The following CEP85L variants were observed in gnomAD, a reference collection of about 807,000 sequenced individuals.
The protein encoded by CEP85L is centrosomal protein 85L.
CEP85L carries 60 observed loss-of-function variants against 100.3 expected under a neutral mutation model. That is an observed-to-expected ratio of 0.60 (90% CI 0.49 to 0.74). The LOEUF is 0.74. CEP85L is among the 30% of genes least tolerant of loss of function. The pLI, the probability that CEP85L is intolerant of heterozygous loss-of-function variation, is 0.00. For synonymous variants in CEP85L, 319 were observed against 322.7 expected, an observed-to-expected ratio of 0.99 and a Z score of 0.12; for missense variants, 973 against 936.2, an observed-to-expected ratio of 1.04 and a Z score of -0.51.
At chr6:118,703,259 G>A (rs575667331) in intron 1 of CEP85L, among the ~76,000 whole-genome samples, 22 of 151,632 alleles carry the variant, frequency 1.5e-4, no homozygotes, top group African/African-American at 5.3e-4. Flanking sequence ...CAAATAAATC[G>A]TTATTTTAAG....
At chr6:118,481,671 A>G in intron 8 of CEP85L, 108 bp downstream of exon 8, 2 of 635,576 alleles carry the variant, frequency 3.1e-6, no homozygotes, top group South Asian at 5.7e-5. Flanking sequence ...CCTGTAGTAC[A>G]TCTTTAAATT....
At chr6:118,604,921 AG>A (rs1398281038) in intron 2 of CEP85L, among the ~76,000 whole-genome samples, 1 of 125,008 alleles carries the variant, frequency 8.0e-6, no homozygotes, top group East Asian at 2.1e-4. Flanking sequence ...GTGAACAAAA[AG>A]GCATTAAAGT....
intron 2 of CEP85L, among the ~76,000 whole-genome samples, chr6:118,589,832 T>A (rs1013536105): frequency 2.6e-5 from 4 of 152,228 alleles, no homozygotes; most frequent in Non-Finnish European, 4.4e-5. Flanking sequence ...TTCATTGTAT[T>A]TTCTTACAGT....
rs1269288655 is a variant in CEP85L, at chr6:118,483,773, A to G, written c.1523T>C (p.Ile508Thr). 1.9e-6 allele frequency: 3 copies of G among 1,613,730 alleles called. No individual in the cohort carries two copies. The highest frequency in any genetic ancestry group is 2.5e-6 in the Non-Finnish European group (3 of 1,179,850). ...SEQNKEKQRR[I>T]ETLEKYLADL... ...AGCCAGATACTTTTCCAAGGTCTCA[A>G]TTCTTCTCTGCTTTTCTTTGTTTTG... The change falls in exon 7 of 13, where the codon ATT becomes ACT. Residue 508 changes from isoleucine to threonine, a missense_variant. This residue lies in a region of CEP85L where 890 missense variants were observed against 844.5 expected (regional missense o/e 1.05). Transcript: ENST00000368491.
chr6:118,511,203 T>G, intron 5 of CEP85L, 95 bp downstream of exon 5: 1 of 780,416 alleles, frequency 1.3e-6, no homozygotes, highest in Non-Finnish European at 2.2e-6. Flanking sequence ...AATACATTAT[T>G]AAGTTGATTT....
intron 2 of CEP85L, 103 bp downstream of exon 2, chr6:118,632,350 C>G: frequency 1.1e-6 from 1 of 910,304 alleles, no homozygotes; most frequent in East Asian, 2.6e-5. Context: ...TATTCAAACA[C>G]TATAATTTTC....
intron 3 of CEP85L, among the ~76,000 whole-genome samples, chr6:118,525,219 T>C (rs1776897171): frequency 6.6e-6 from 1 of 152,126 alleles, no homozygotes; most frequent in Admixed American, 6.6e-5. Context: ...AAAAAATTGC[T>C]TAGAATGTAA....
chr6:118,688,062 T>C (rs1364757107), intron 1 of CEP85L, among the ~76,000 whole-genome samples: 1 of 152,170 alleles, frequency 6.6e-6, no homozygotes, highest in Non-Finnish European at 1.5e-5. Flanking sequence ...AATACAAGGC[T>C]TGCCACCATC....
intron 3 of CEP85L, among the ~76,000 whole-genome samples, chr6:118,538,955 T>A (rs1777755464): frequency 6.6e-6 from 1 of 152,072 alleles, no homozygotes; most frequent in South Asian, 2.1e-4. Flanking sequence ...GAAACAGGTA[T>A]CTATGAAACT....
chr6:118,568,384 A>G (rs1779674225), intron 2 of CEP85L, among the ~76,000 whole-genome samples: 4 of 152,236 alleles, frequency 2.6e-5, no homozygotes, highest in Admixed American at 2.6e-4. Flanking sequence ...CAGCCAGTAA[A>G]CAACTTCTGC....
At chr6:118,500,521 C>T (rs1437078650) in intron 5 of CEP85L, among the ~76,000 whole-genome samples, 3 of 152,238 alleles carry the variant, frequency 2.0e-5, no homozygotes, top group Non-Finnish European at 2.9e-5. Flanking sequence ...GATAATTACT[C>T]AACAATCACC....
intron 2 of CEP85L, among the ~76,000 whole-genome samples, chr6:118,625,561 G>A (rs1237635952): frequency 1.3e-5 from 2 of 152,248 alleles, no homozygotes; most frequent in Non-Finnish European, 1.5e-5. Context: ...TCTGACTGGG[G>A]TGGCCCTCCA....
At position 118,558,720 on chromosome 6, in the gene CEP85L, A is replaced by G. The variant is rs140164799; in HGVS notation, c.1020+6809T>C. On this transcript the variant is annotated intron_variant, in intron 3 of 12. Transcript: ENST00000368491. The stretch of plus-strand genomic sequence containing the variant: ...AGACTATAGAAACATGATGTTATAA[A>G]TAACAATAGTGCTGAGGAAGATGAA... The G allele has an allele frequency of 1.2e-3, 757 of 607,592 alleles. 4 individuals carry two copies. The African/African-American group carries it at 0.013, about 10-fold the overall frequency. The allele number at this position is 607,592 out of a possible 1,614,324, so 37.6% of individuals were successfully genotyped here. A position where few individuals can be genotyped will look rare whatever the true frequency, so the allele number is the denominator to read the frequency against.
intron 1 of CEP85L, among the ~76,000 whole-genome samples, chr6:118,684,171 A>T (rs2114272167): frequency 6.6e-6 from 1 of 152,154 alleles, no homozygotes; most frequent in South Asian, 2.1e-4. Flanking sequence ...ATTAAACATA[A>T]CCCTTTCTGG....
chr6:118,496,248 G>T (rs1774909170), intron 5 of CEP85L, among the ~76,000 whole-genome samples: 1 of 152,162 alleles, frequency 6.6e-6, no homozygotes, highest in South Asian at 2.1e-4. Flanking sequence ...TTAAGTACAT[G>T]CCCTTAACCC....
chr6:118,554,186 G>A (rs1209115293), intron 3 of CEP85L, among the ~76,000 whole-genome samples: 1 of 152,114 alleles, frequency 6.6e-6, no homozygotes, highest in African/African-American at 2.4e-5. Context: ...TACTCAGGAG[G>A]CTGAGGCAGG....
At chr6:118,535,728 G>GT (rs1371027171) in intron 3 of CEP85L, among the ~76,000 whole-genome samples, 2 of 152,110 alleles carry the variant, frequency 1.3e-5, no homozygotes, top group African/African-American at 4.8e-5. Flanking sequence ...CAGTATCGCA[G>GT]TATTTGTGTT....
chr6:118,693,454 C>G (rs541159193), intron 1 of CEP85L, among the ~76,000 whole-genome samples: 1 of 152,280 alleles, frequency 6.6e-6, no homozygotes, highest in African/African-American at 2.4e-5. Context: ...TGTAAAGAAA[C>G]ATTTCATTCT....
intron 6 of CEP85L, among the ~76,000 whole-genome samples, chr6:118,485,872 C>T (rs1343181664): frequency 6.6e-6 from 1 of 152,218 alleles, no homozygotes; most frequent in African/African-American, 2.4e-5. Context: ...CCTATGTTTA[C>T]TTAATGCTCT....
Sources: gnomAD v4.1 joint callset for allele counts (sites outside exome capture counted in the v4.1 genomes callset) on GRCh38, gnomAD v4.1.1 for gene constraint, gnomAD v4.1.1 regional missense constraint, MANE v1.5 for transcripts, NCBI Gene and HGNC (gene_info 2026-07-23, HGNC 2026-07-21) for gene names.